EIF2AK4: variants seen among roughly 807,000 people sequenced by gnomAD.
EIF2AK4 encodes the protein eukaryotic translation initiation factor 2 alpha kinase 4.
In EIF2AK4, 139 loss-of-function variants were observed where a neutral mutation model predicts 211.1. That is an observed-to-expected ratio of 0.66 (90% CI 0.57 to 0.76). The LOEUF is 0.76. EIF2AK4 is among the 30% of genes least tolerant of loss of function. EIF2AK4 has a pLI of 0.00. For missense variants in EIF2AK4, 1,664 were observed against 2,043.8 expected, an observed-to-expected ratio of 0.81 and a Z score of 3.58; for synonymous variants, 710 against 751.3, an observed-to-expected ratio of 0.94 and a Z score of 0.90.
intron 29 of EIF2AK4, among the ~76,000 whole-genome samples, chr15:40,017,846 C>T (rs905709494): frequency 1.3e-5 from 2 of 151,978 alleles, no homozygotes; most frequent in African/African-American, 4.8e-5. Flanking sequence ...CACACCACCC[C>T]TTGCATAAGT....
At chr15:40,011,580 C>A (rs1356379624) in intron 27 of EIF2AK4, among the ~76,000 whole-genome samples, 2 of 152,174 alleles carry the variant, frequency 1.3e-5, no homozygotes, top group Non-Finnish European at 2.9e-5. Context: ...ACGCTGTAAT[C>A]ATCCTGCTCT....
At chr15:39,934,798 A>G (rs1372091444) in intron 1 of EIF2AK4, among the ~76,000 whole-genome samples, 1 of 152,202 alleles carries the variant, frequency 6.6e-6, no homozygotes, top group Non-Finnish European at 1.5e-5. Context: ...CATGCATTCA[A>G]ATCTGCACGC....
At chr15:39,943,798 T>TA (rs1439702204) in intron 3 of EIF2AK4, among the ~76,000 whole-genome samples, 2 of 151,798 alleles carry the variant, frequency 1.3e-5, no homozygotes, top group African/African-American at 4.8e-5. Context: ...CACCTATCTC[T>TA]AAAAAAATTA....
chr15:40,007,787 A>G (rs961696692), intron 24 of EIF2AK4, among the ~76,000 whole-genome samples: 1 of 152,146 alleles, frequency 6.6e-6, no homozygotes, highest in Non-Finnish European at 1.5e-5. Context: ...GTGTAATTTC[A>G]TCTCTATTTC....
In EIF2AK4 at chr15:39,959,980, G is replaced by A. The variant is rs553940548; in HGVS notation, c.744-1804G>A. Among the ~76,000 whole-genome samples, 40 of 152,158 alleles carry A rather than the reference G, an allele frequency of 2.6e-4. No homozygotes were observed. The South Asian group carries it at 7.3e-3, about 28-fold the overall frequency. On this transcript the variant is annotated intron_variant, in intron 6 of 38. Coordinates refer to ENST00000263791, the MANE Select transcript of EIF2AK4 (RefSeq NM_001013703.4). ...AGATCGAGACCAGCCTGGCTAACAC[G>A]GTGAAACCCTGTCTCTACTAAAAAT...
In EIF2AK4 at chr15:40,035,438, G is replaced by A. The variant is rs780264429; in HGVS notation, c.*354G>A. On this transcript the variant is annotated 3_prime_UTR_variant, in exon 39 of 39. Transcript: ENST00000263791. ...GCTGTGACTGCGCCACTGCACTCCA[G>A]TCTGGGACAACAGAGCAAGACCCTG... 32 of 165,410 alleles carry A rather than the reference G, an allele frequency of 1.9e-4. No homozygotes were observed. Among genetic ancestry groups the A allele is most frequent in the Non-Finnish European group, 2.9e-4 (23 of 77,980 alleles). The allele number at this position is 165,410 out of a possible 1,614,324, so 10.2% of individuals were successfully genotyped here. A position where few individuals can be genotyped will look rare whatever the true frequency, so the allele number is the denominator to read the frequency against.
At chr15:39,974,780 C>G (rs1040134320) in intron 11 of EIF2AK4, 1 of 152,222 alleles carries the variant, frequency 6.6e-6, no homozygotes, top group Non-Finnish European at 1.5e-5. Context: ...TAAGCCCCCA[C>G]GGTTTCCAGT....
intron 2 of EIF2AK4, 69 bp downstream of exon 2, chr15:39,939,686 A>G: frequency 7.7e-7 from 1 of 1,301,376 alleles, no homozygotes; most frequent in Non-Finnish European, 1.1e-6. Context: ...AAACAGATTG[A>G]AATTCGTAGT....
Position 39,980,634 on chromosome 15 carries a change from C to T in EIF2AK4, c.2319+2487C>T, listed in dbSNP as rs117547180. On this transcript the variant is annotated intron_variant, in intron 13 of 38. Coordinates refer to ENST00000263791, the MANE Select transcript of EIF2AK4 (RefSeq NM_001013703.4). ...GGTCACCAAAAACTACTAGGGCAGT[C>T]AGTTGTGGCTGTGGGGAATTATTCT... Among the ~76,000 whole-genome samples the T allele has an allele frequency of 2.3e-3, 352 of 152,284 alleles. 5 individuals are homozygous for T. The highest frequency in any genetic ancestry group is 0.016 in the Admixed American group (251 of 15,292).
intron 15 of EIF2AK4, among the ~76,000 whole-genome samples, chr15:39,988,956 G>A (rs748667966): frequency 3.3e-5 from 5 of 152,162 alleles, no homozygotes; most frequent in African/African-American, 4.8e-5. Flanking sequence ...AGCTGAGATT[G>A]TACCACTGCG....
At position 40,001,110 on chromosome 15, in the gene EIF2AK4, G is replaced by T. The variant is rs780630022; in HGVS notation, c.3045G>T (p.Leu1015=). 8.1e-6 allele frequency: 13 copies of T among 1,614,024 alleles called. No homozygotes were observed. Among genetic ancestry groups the T allele is most frequent in the Non-Finnish European group, 1.0e-5 (12 of 1,180,012 alleles). Residue 1015 remains leucine (L), a synonymous_variant, in exon 21 of 39, where the codon CTG becomes CTT. Transcript: ENST00000263791. ...AGGAGTCAGAGCTGCATGAAGTGCT[G>T]CACCACACGCTGACCAACGTGGATG... ...QMEESELHEV[L]HHTLTNVDGK...
chr15:40,011,219 A>G (rs2035230908), intron 26 of EIF2AK4, 62 bp from the exon 27 acceptor site: 34 of 1,390,890 alleles, frequency 2.4e-5, no homozygotes, highest in Non-Finnish European at 3.5e-5. Context: ...TCGCCTGGAA[A>G]TTGTGTCTTG....
chr15:39,957,121 T>C (rs894913856), intron 6 of EIF2AK4, among the ~76,000 whole-genome samples: 1 of 152,248 alleles, frequency 6.6e-6, no homozygotes, highest in Non-Finnish European at 1.5e-5. Context: ...CTAGGAAATA[T>C]CTAACAAATT....
intron 13 of EIF2AK4, among the ~76,000 whole-genome samples, chr15:39,983,061 A>T (rs1462958872): frequency 1.3e-5 from 2 of 152,248 alleles, no homozygotes; most frequent in African/African-American, 2.4e-5. Flanking sequence ...GTATATACCC[A>T]GTAATGGGAT....
intron 1 of EIF2AK4, among the ~76,000 whole-genome samples, chr15:39,938,323 C>G (rs2140895447): frequency 6.6e-6 from 1 of 152,298 alleles, no homozygotes; most frequent in Non-Finnish European, 1.5e-5. Flanking sequence ...CTTCCCCAGA[C>G]CACATTCGCA....
At chr15:40,006,777 C>T (rs2035167654) in intron 23 of EIF2AK4, among the ~76,000 whole-genome samples, 1 of 152,022 alleles carries the variant, frequency 6.6e-6, no homozygotes, top group African/African-American at 2.4e-5. Context: ...AGAAATGCCA[C>T]AGTGAATAAG....
At position 39,990,259 on chromosome 15, in the gene EIF2AK4, C is replaced by T. The variant is rs745845650; in HGVS notation, c.2527-14C>T. The T allele has an allele frequency of 3.5e-5, 57 of 1,611,124 alleles. No homozygotes were observed. The highest frequency in any genetic ancestry group is 1.3e-5 in the Non-Finnish European group (15 of 1,177,704). On this transcript the variant is annotated splice_polypyrimidine_tract_variant and intron_variant, in intron 15 of 38. Transcript: ENST00000263791. Reference sequence around the variant, plus strand: ...TGGAAAACCATTGTTTGTTTCTTCACTCTCTTTCAACAGGGAATGATTCAC... The same window carrying T: ...TGGAAAACCATTGTTTGTTTCTTCATTCTCTTTCAACAGGGAATGATTCAC...
At chr15:40,030,569 A>G (rs572797061) in intron 35 of EIF2AK4, 113 bp downstream of exon 35, 951 of 1,246,292 alleles carry the variant, frequency 7.6e-4, no homozygotes, top group Non-Finnish European at 9.9e-4. Flanking sequence ...ATTTTTTCCA[A>G]GAAAAAAATT....
chr15:39,960,387 T>C (rs1291951456), intron 6 of EIF2AK4, among the ~76,000 whole-genome samples: 1 of 152,020 alleles, frequency 6.6e-6, no homozygotes, highest in Non-Finnish European at 1.5e-5. Context: ...AAGGTGGTAC[T>C]TGAAGACCAA....
Sources: allele counts gnomAD v4.1 joint callset (sites outside exome capture counted in the v4.1 genomes callset), GRCh38; gene constraint gnomAD v4.1.1; transcripts MANE v1.5; gene names NCBI Gene and HGNC (gene_info 2026-07-23, HGNC 2026-07-21).